Variants in BBS9 observed in about 807,000 individuals in gnomAD.
BBS9 encodes the protein protein PTHB1.
A neutral mutation model predicts 117.7 loss-of-function variants in BBS9; 89 were observed. That is an observed-to-expected ratio of 0.76 (90% CI 0.64 to 0.90). The LOEUF (loss-of-function observed/expected upper bound fraction) is 0.90. Ranked by LOEUF, BBS9 falls within the 40% of genes least tolerant of loss-of-function variation. The probability of loss-of-function intolerance (pLI) is 0.00; values close to 1 mark genes in which losing one functional copy is unlikely to be tolerated. For synonymous variants in BBS9, 379 were observed against 370.9 expected (o/e 1.02, Z -0.25); for missense variants, 982 against 1,042.2 (o/e 0.94, Z 0.80).
At chr7:33,546,758 T>C (rs1006716984) in intron 21 of BBS9, among the ~76,000 whole-genome samples, 1 of 152,208 alleles carries the variant, frequency 6.6e-6, no homozygotes, top group Non-Finnish European at 1.5e-5. Flanking sequence ...CCAGCTGAAA[T>C]GATGTTCCAC....
chr7:33,627,879 C>CA (rs371336571), intron 21 of BBS9, among the ~76,000 whole-genome samples: 2 of 152,056 alleles, frequency 1.3e-5, no homozygotes, highest in South Asian at 4.1e-4. Context: ...CCCATCTGTA[C>CA]AAAAAAATAA....
intron 20 of BBS9, 82 bp downstream of exon 20, chr7:33,505,727 T>C (rs1846065666): frequency 7.1e-7 from 1 of 1,411,436 alleles, no homozygotes; most frequent in Admixed American, 1.9e-5. Context: ...GGCTATCAGG[T>C]TTTCTAAGGT....
At chr7:33,146,388 C>A (rs770222712) in intron 2 of BBS9, 24 bp downstream of exon 2, 2 of 1,559,392 alleles carry the variant, frequency 1.3e-6, no homozygotes, top group East Asian at 4.5e-5. Flanking sequence ...AACCATACAT[C>A]TTGGATGAAA....
intron 19 of BBS9, among the ~76,000 whole-genome samples, chr7:33,404,449 C>T (rs1345470294): frequency 1.3e-5 from 2 of 151,996 alleles, no homozygotes; most frequent in Admixed American, 1.3e-4. Context: ...TGGCCATTTT[C>T]ACGGTATTGA....
intron 9 of BBS9, among the ~76,000 whole-genome samples, chr7:33,294,400 T>C (rs868138545): frequency 3.3e-5 from 5 of 149,698 alleles, no homozygotes; most frequent in African/African-American, 9.9e-5. Flanking sequence ...CATCCATCCA[T>C]CCACCCATCC....
chr7:33,403,378 A>C (rs1273774706), intron 19 of BBS9, among the ~76,000 whole-genome samples: 1 of 150,144 alleles, frequency 6.7e-6, no homozygotes, highest in Non-Finnish European at 1.5e-5. Context: ...GGTTAGTTAC[A>C]TATGTATACA....
In BBS9 at chr7:33,623,610, C is replaced by T. The variant is rs891682369; in HGVS notation, c.2522-11567C>T. 3.9e-5 allele frequency among the ~76,000 whole-genome samples: 6 copies of T among 152,152 alleles called. No homozygotes were observed. The East Asian group carries it at 7.7e-4, about 20-fold the overall frequency. On this transcript the variant is annotated intron_variant, in intron 21 of 21. Coordinates refer to the BBS9 transcript ENST00000671952. ...ATTAAAAAAAAGAAAAACCAAACCC[C>T]CAAACCATCTAAAAAGGCATCAACT...
At chr7:33,276,623 CA>C (rs1410807303) in intron 9 of BBS9, among the ~76,000 whole-genome samples, 1 of 151,982 alleles carries the variant, frequency 6.6e-6, no homozygotes, top group Admixed American at 6.5e-5. Flanking sequence ...TAGTGAACAC[CA>C]ATATCTAGTC....
intron 1 of BBS9, among the ~76,000 whole-genome samples, chr7:33,139,552 C>T (rs961141959): frequency 1.3e-5 from 2 of 151,134 alleles, no homozygotes; most frequent in Admixed American, 6.6e-5. Flanking sequence ...AGCTTTGTCT[C>T]TTGTGGTCAC....
chr7:33,182,989 G>A (rs780681373), intron 5 of BBS9, among the ~76,000 whole-genome samples: 2 of 152,156 alleles, frequency 1.3e-5, no homozygotes, highest in Non-Finnish European at 2.9e-5. Flanking sequence ...AGGTGGCCAA[G>A]AGCATGCTTC....
chr7:33,401,660 G>A (rs1828938937), intron 19 of BBS9, among the ~76,000 whole-genome samples: 1 of 152,150 alleles, frequency 6.6e-6, no homozygotes, highest in African/African-American at 2.4e-5. Context: ...ATCAATAGAA[G>A]GAATATCTGG....
chr7:33,487,687 C>G (rs1843305249), intron 19 of BBS9, among the ~76,000 whole-genome samples: 1 of 152,160 alleles, frequency 6.6e-6, no homozygotes, highest in South Asian at 2.1e-4. Context: ...ACCCTATGCT[C>G]ACATTTTGGG....
At position 33,450,874 on chromosome 7, in the gene BBS9, T is replaced by G. The variant is rs189057584; in HGVS notation, c.2116-54589T>G. ...CTTTGCTGTTCAGAAGTTTTTTTTT[T>G]TTGTTTTTTTGTTTTTTTGTTTTTT... On this transcript the variant is annotated intron_variant, in intron 19 of 22. Transcript: ENST00000242067. Among the ~76,000 whole-genome samples the G allele has an allele frequency of 4.6e-3, 622 of 136,344 alleles. 3 individuals are homozygous for G. The highest frequency in any genetic ancestry group is 8.6e-3 in the Admixed American group (122 of 14,134). The allele number at this position is 136,344 out of a possible 152,430, so 89.4% of individuals were successfully genotyped here.
intron 19 of BBS9, among the ~76,000 whole-genome samples, chr7:33,438,311 A>G (rs1253395421): frequency 6.6e-6 from 1 of 152,176 alleles, no homozygotes. Context: ...AGCACAGCCA[A>G]CCTTTAAAAT....
chr7:33,172,991 G>A (rs1796828319), intron 4 of BBS9, among the ~76,000 whole-genome samples: 1 of 152,182 alleles, frequency 6.6e-6, no homozygotes, highest in Non-Finnish European at 1.5e-5. Flanking sequence ...CTTAATAGAT[G>A]TAAATTTCTT....
intron 19 of BBS9, chr7:33,390,658 A>C (rs1205890789): frequency 4.3e-6 from 4 of 924,714 alleles, no homozygotes; most frequent in South Asian, 5.0e-5. Context: ...CCGTTTAGTC[A>C]GTTTTTTAAT....
intron 19 of BBS9, among the ~76,000 whole-genome samples, chr7:33,458,709 G>A (rs1228296503): frequency 1.3e-5 from 2 of 152,152 alleles, no homozygotes; most frequent in Non-Finnish European, 2.9e-5. Flanking sequence ...TGCCCAAGGG[G>A]AGTACACTGC....
At position 33,369,994 on chromosome 7, in the gene BBS9, C is replaced by G. The variant is rs144019243; in HGVS notation, c.1789+2132C>G. 1.7e-3 allele frequency among the ~76,000 whole-genome samples: 265 copies of G among 152,276 alleles called. 2 individuals are homozygous for G. Among genetic ancestry groups the G allele is most frequent in the African/African-American group, 5.8e-3 (239 of 41,554 alleles). On this transcript the variant is annotated intron_variant, in intron 17 of 22. Coordinates refer to ENST00000242067, the MANE Select transcript of BBS9 (RefSeq NM_198428.3). ...TCCGTGTATTCATCTCTTTTTAAAA[C>G]CTGCTTGGTAATCAACCAAGCCTTC...
intron 21 of BBS9, among the ~76,000 whole-genome samples, chr7:33,572,845 A>G (rs1858050584): frequency 6.6e-6 from 1 of 152,096 alleles, no homozygotes; most frequent in Admixed American, 6.6e-5. Context: ...CTATCAATCA[A>G]CTATTTACCT....
Sources: allele counts gnomAD v4.1 joint callset (sites outside exome capture counted in the v4.1 genomes callset), GRCh38; gene constraint gnomAD v4.1.1; transcripts MANE v1.5; gene names NCBI Gene and HGNC (gene_info 2026-07-23, HGNC 2026-07-21).